The following UCMA variants were observed in gnomAD, a reference collection of about 807,000 sequenced individuals.
The protein encoded by UCMA is upper zone of growth plate and cartilage matrix associated, also known as upper zone of growth plate and cartilage matrix-associated protein.
In UCMA, 21 loss-of-function variants were observed where a neutral mutation model predicts 21.8. The observed-to-expected ratio is 0.97, with a 90% CI of 0.68 to 1.39. The LOEUF (loss-of-function observed/expected upper bound fraction) is 1.39, where lower values mean the gene tolerates loss of function less well. Among genes scored for constraint, UCMA ranks in the 40% most tolerant of loss-of-function variants. UCMA has a pLI of 0.00. For missense variants in UCMA, 193 were observed against 178.9 expected, an observed-to-expected ratio of 1.08 and a Z score of -0.45; for synonymous variants, 76 against 67.9, an observed-to-expected ratio of 1.12 and a Z score of -0.58.
chr10:13,224,900 GC>G (rs1374435091), intron 4 of UCMA, among the ~76,000 whole-genome samples: 5 of 152,174 alleles, frequency 3.3e-5, no homozygotes, highest in African/African-American at 1.2e-4. Flanking sequence ...GTACTTGATA[GC>G]CCAGGGGCAG....
chr10:13,221,767 T>G lies in UCMA; in HGVS notation c.*336A>C. The G allele has an allele frequency of 3.7e-6, 1 of 269,588 alleles. No individual in the cohort carries two copies. The highest frequency in any genetic ancestry group is 5.4e-5 in the South Asian group (1 of 18,488). 16.7% of individuals were successfully genotyped at this position (269,588 alleles called of 1,614,324 possible). On this transcript the variant is annotated 3_prime_UTR_variant, in exon 5 of 5. Coordinates refer to ENST00000378681, the MANE Select transcript of UCMA (RefSeq NM_145314.3). ...AGATTTGAGAAGATAATACACATGG[T>G]TGATTCAGCGTTTTTATTTGTAAGC...
chr10:13,230,744 T>C (rs894555805), intron 3 of UCMA, among the ~76,000 whole-genome samples: 1 of 152,142 alleles, frequency 6.6e-6, no homozygotes, highest in African/African-American at 2.4e-5. Context: ...GGAAAAGTCT[T>C]TGCAAAATGA....
intron 4 of UCMA, among the ~76,000 whole-genome samples, chr10:13,224,201 C>T (rs1193039751): frequency 6.6e-6 from 1 of 151,980 alleles, no homozygotes; most frequent in East Asian, 1.9e-4. Context: ...ATAGCACTTG[C>T]CTATAGTCCC....
chr10:13,223,266 C>T (rs1834781837), intron 4 of UCMA, among the ~76,000 whole-genome samples: 1 of 151,052 alleles, frequency 6.6e-6, no homozygotes, highest in African/African-American at 2.4e-5. Context: ...AAAGAAAATG[C>T]CCAAAAGAAT....
In UCMA at chr10:13,233,790, C is replaced by T. The variant is rs776669221; in HGVS notation, c.69G>A (p.Glu23=). ...SAVVLLSMLR[E]GTSVSVGTMQ... ...TGGTGCCCACAGATACACTGGTTCC[C>T]TCTCTCAGCACTGCAGGACAAGGGC... is the stretch of plus-strand genomic sequence containing the variant. The change falls in exon 2 of 5, where the codon GAG becomes GAA. Residue 23 remains glutamate, a synonymous_variant. Coordinates refer to ENST00000378681, the MANE Select transcript of UCMA (RefSeq NM_145314.3). 2.5e-6 allele frequency: 4 copies of T among 1,613,840 alleles called. No homozygotes were observed. Among genetic ancestry groups the T allele is most frequent in the South Asian group, 1.1e-5 (1 of 91,082 alleles).
At chr10:13,227,743 TACACACACACACACACACACAC>T (rs55831241) in intron 4 of UCMA, among the ~76,000 whole-genome samples, 1 of 110,676 alleles carries the variant, frequency 9.0e-6, no homozygotes, top group Admixed American at 1.1e-4. Context: ...GGAAAGGAAA[TACACACACACACACACACACAC>T]ACACACACAC....
chr10:13,233,800 A>G lies in UCMA; in HGVS notation c.59T>C (p.Met20Thr). ...SCFSAVVLLS[M>T]LREGTSVSVG... ...AGATACACTGGTTCCCTCTCTCAGC[A>G]CTGCAGGACAAGGGCACAGAGTGAG... is the stretch of plus-strand genomic sequence containing the variant. The change falls in exon 2 of 5, where the codon ATG (methionine) becomes ACG (threonine). Residue 20 changes from methionine (M) to threonine (T), a missense_variant and splice_region_variant. Met to Thr is a moderately conservative substitution (Grantham distance 81, BLOSUM62 -1). Coordinates refer to ENST00000378681, the MANE Select transcript of UCMA (RefSeq NM_145314.3). 1 of 1,613,576 alleles carries G rather than the reference A, an allele frequency of 6.2e-7. No individual in the cohort carries two copies. The highest frequency in any genetic ancestry group is 8.5e-7 in the Non-Finnish European group (1 of 1,179,920).
intron 4 of UCMA, among the ~76,000 whole-genome samples, chr10:13,227,445 C>A (rs78446141): frequency 6.6e-6 from 1 of 152,108 alleles, no homozygotes; most frequent in South Asian, 2.1e-4. Flanking sequence ...GGGCTAGGTG[C>A]GATGGCCCAC....
intron 3 of UCMA, among the ~76,000 whole-genome samples, chr10:13,230,025 A>C (rs1010303768): frequency 6.6e-6 from 1 of 152,216 alleles, no homozygotes; most frequent in Non-Finnish European, 1.5e-5. Flanking sequence ...GAAATCCCAT[A>C]ATCAGAAACA....
At chr10:13,226,485 T>A (rs1834825196) in intron 4 of UCMA, among the ~76,000 whole-genome samples, 1 of 152,214 alleles carries the variant, frequency 6.6e-6, no homozygotes, top group Non-Finnish European at 1.5e-5. Flanking sequence ...TGTTTTTTAA[T>A]TGAAAAATTT....
chr10:13,234,246 G>C lies in UCMA; in HGVS notation c.13C>G (p.Gln5Glu), dbSNP rs535115252. The C allele has an allele frequency of 3.6e-5, 58 of 1,613,896 alleles. 2 individuals carry two copies. In the South Asian group the frequency reaches 5.9e-4, roughly 17 times the overall value. MTWR[Q>E]AVLLSCFSAV... ...GAGAAGCAAGACAGCAGGACGGCCT[G>C]TCTCCAAGTCATCTTTGCAGAGGTA... is the stretch of plus-strand genomic sequence containing the variant. Residue 5 changes from glutamine (Q) to glutamate (E), a missense_variant, in exon 1 of 5, where the codon CAG becomes GAG. Gln to Glu is a conservative substitution (Grantham distance 29). Transcript: ENST00000378681.
rs115418105 is a variant in UCMA, at chr10:13,231,736, G to A, written c.220+1802C>T. Among the ~76,000 whole-genome samples the A allele has an allele frequency of 2.6e-3, 396 of 152,270 alleles. 2 individuals carry two copies. Among genetic ancestry groups the A allele is most frequent in the African/African-American group, 9.3e-3 (388 of 41,536 alleles). On this transcript the variant is annotated intron_variant, in intron 3 of 4. Coordinates refer to ENST00000378681, the MANE Select transcript of UCMA (RefSeq NM_145314.3). ...ATGTGTCATTCTGTGCATTGTATACGTTTCTTCTCAAGAACATGCATTCAT... is the reference window on the plus strand; with the variant it reads ...ATGTGTCATTCTGTGCATTGTATACATTTCTTCTCAAGAACATGCATTCAT...
chr10:13,229,058 C>G (rs564042867), intron 4 of UCMA, among the ~76,000 whole-genome samples: 3 of 152,072 alleles, frequency 2.0e-5, no homozygotes, highest in African/African-American at 7.2e-5. Flanking sequence ...GCCTCAGCCT[C>G]CTGAGTAGCT....
At chr10:13,229,123 A>G (rs1834862686) in intron 4 of UCMA, among the ~76,000 whole-genome samples, 1 of 151,808 alleles carries the variant, frequency 6.6e-6, no homozygotes, top group East Asian at 1.9e-4. Context: ...TTTAGTAGAG[A>G]TGGGGTTTCG....
At chr10:13,229,505 CA>C (rs1564403450) in intron 4 of UCMA, 105 bp downstream of exon 4, 2 of 1,055,866 alleles carry the variant, frequency 1.9e-6, no homozygotes, top group South Asian at 1.6e-5. Context: ...GACTTCGTCT[CA>C]AAAAAAGAAA....
rs1834762347 is a variant in UCMA at position 13,221,961 on chromosome 10, G to T, written c.*142C>A. 1.3e-6 allele frequency: 1 copy of T among 750,896 alleles called. No homozygotes were observed. Among genetic ancestry groups the T allele is most frequent in the Non-Finnish European group, 2.2e-6 (1 of 448,150 alleles). 46.5% of individuals were successfully genotyped at this position (750,896 alleles called of 1,614,324 possible). A position where few individuals can be genotyped will look rare whatever the true frequency, so the allele number is the denominator to read the frequency against. On this transcript the variant is annotated 3_prime_UTR_variant, in exon 5 of 5. Transcript: ENST00000378681. ...TTTCACACACTGGAAGGAAAGGCAT[G>T]CGTCTTTTCAAGAGCTGCTGGCCAC...
intron 3 of UCMA, 124 bp downstream of exon 3, chr10:13,233,401 GTCCCTTTGATACC>G (rs1440911600): frequency 2.0e-5 from 14 of 695,566 alleles, no homozygotes; most frequent in Non-Finnish European, 3.3e-5. Context: ...CAGAGCTGCA[GTCCCTTTGATACC>G]CTGGGGTGAG....
rs1351134581 is a variant in UCMA, at chr10:13,222,061, G to A, written c.*42C>T. ...ATTGCTGGAACACGGGGATGCCAAT[G>A]GTGCTACAAGCTTTGTCTTCTTGGC... On this transcript the variant is annotated 3_prime_UTR_variant, in exon 5 of 5. Coordinates refer to ENST00000378681, the MANE Select transcript of UCMA (RefSeq NM_145314.3). The A allele has an allele frequency of 5.0e-6, 8 of 1,603,164 alleles. No homozygotes were observed. The African/African-American group carries it at 1.1e-4, about 21-fold the overall frequency.
chr10:13,221,985 A>C lies in UCMA; in HGVS notation c.*118T>G. ...TGCGTCTTTTCAAGAGCTGCTGGCC[A>C]CTGCAGACCCCAAGCTGAGACCCTC... On this transcript the variant is annotated 3_prime_UTR_variant, in exon 5 of 5. Transcript: ENST00000378681. 4 of 990,636 alleles carry C rather than the reference A, an allele frequency of 4.0e-6. No homozygotes were observed. Among genetic ancestry groups the C allele is most frequent in the African/African-American group, 1.6e-5 (1 of 62,988 alleles). The allele number at this position is 990,636 out of a possible 1,614,324, so 61.4% of individuals were successfully genotyped here.
Sources: gnomAD v4.1 joint callset for allele counts (sites outside exome capture counted in the v4.1 genomes callset) on GRCh38, gnomAD v4.1.1 for gene constraint, MANE v1.5 for transcripts, NCBI Gene and HGNC (gene_info 2026-07-23, HGNC 2026-07-21) for gene names.